The following ADCY5 variants were observed in gnomAD, a reference collection of about 807,000 sequenced individuals.
The protein encoded by ADCY5 is adenylate cyclase 5, also known as adenylate cyclase type 5.
In ADCY5, 30 loss-of-function variants were observed where a neutral mutation model predicts 119.7. That is an observed-to-expected ratio of 0.25 (90% CI 0.19 to 0.34). ADCY5 has a LOEUF of 0.34. Ranked by LOEUF, ADCY5 falls within the 10% of genes least tolerant of loss-of-function variation. The pLI is 1.00. For synonymous variants in ADCY5, 753 were observed against 762.2 expected (o/e 0.99, Z 0.20); for missense variants, 1,324 against 1,775.2 (o/e 0.75, Z 4.57).
intron 1 of ADCY5, among the ~76,000 whole-genome samples, chr3:123,376,370 T>C (rs1943833722): frequency 2.0e-5 from 3 of 151,960 alleles, no homozygotes; most frequent in Non-Finnish European, 4.4e-5. Flanking sequence ...TAAGAATCAC[T>C]AGGACAGCTA....
intron 1 of ADCY5, among the ~76,000 whole-genome samples, chr3:123,354,975 C>T (rs557352639): frequency 6.6e-6 from 1 of 152,310 alleles, no homozygotes; most frequent in South Asian, 2.1e-4. Context: ...ATAGCATATA[C>T]ACAAACCTAC....
At chr3:123,377,307 G>GC (rs1305488097) in intron 1 of ADCY5, among the ~76,000 whole-genome samples, 2 of 152,146 alleles carry the variant, frequency 1.3e-5, no homozygotes, top group Non-Finnish European at 2.9e-5. Flanking sequence ...TGTTATCACT[G>GC]CCCCTGGCTC....
chr3:123,328,627 C>A lies in ADCY5; in HGVS notation c.1805+17G>T. 6.2e-7 allele frequency: 1 copy of A among 1,612,996 alleles called. No homozygotes were observed. The highest frequency in any genetic ancestry group is 1.7e-4 in the Middle Eastern group (1 of 6,058). On this transcript the variant is annotated intron_variant, in intron 6 of 20. Transcript: ENST00000462833. ...AACCCAGGTCGGGGCCCCAAGCCAC[C>A]CACAGCTGTCACTCACCCTGCCTTG...
chr3:123,303,648 C>T (rs1939991905), intron 13 of ADCY5, among the ~76,000 whole-genome samples: 1 of 151,960 alleles, frequency 6.6e-6, no homozygotes, highest in African/African-American at 2.4e-5. Context: ...CATGGGGAAA[C>T]CCCATCTCTA....
chr3:123,354,822 TTTCCATATTAATAGACTAAAA>T (rs1942981817), intron 1 of ADCY5, among the ~76,000 whole-genome samples: 1 of 152,208 alleles, frequency 6.6e-6, no homozygotes, highest in African/African-American at 2.4e-5. Flanking sequence ...CCAACGTAAT[TTTCCATATTAATAGACTAAAA>T]TTTAAAAACT....
chr3:123,322,209 C>G (rs1451472767), intron 8 of ADCY5, among the ~76,000 whole-genome samples: 4 of 152,196 alleles, frequency 2.6e-5, no homozygotes, highest in Non-Finnish European at 4.4e-5. Context: ...GAGGGGTTGG[C>G]CCACTCAATT....
chr3:123,298,720 T>C (rs900313900), intron 15 of ADCY5, among the ~76,000 whole-genome samples: 23 of 152,262 alleles, frequency 1.5e-4, no homozygotes, highest in Non-Finnish European at 2.6e-4. Context: ...AGGCCCTTCA[T>C]ATTTTTGAAT....
chr3:123,344,496 G>A (rs1942435734), intron 3 of ADCY5, among the ~76,000 whole-genome samples: 1 of 152,124 alleles, frequency 6.6e-6, no homozygotes, highest in Non-Finnish European at 1.5e-5. Flanking sequence ...ACCCTATTAA[G>A]TAGGTACTCT....
chr3:123,359,461 G>T (rs1455153834), intron 1 of ADCY5, among the ~76,000 whole-genome samples: 2 of 150,502 alleles, frequency 1.3e-5, no homozygotes, highest in Non-Finnish European at 3.0e-5. Context: ...CCCTCCCCCA[G>T]TCGTGACAAC....
chr3:123,352,502 C>G lies in ADCY5; in HGVS notation c.1214G>C (p.Arg405Thr). 1 of 1,614,066 alleles carries G rather than the reference C, an allele frequency of 6.2e-7. No homozygotes were observed. Among genetic ancestry groups the G allele is most frequent in the Non-Finnish European group, 8.5e-7 (1 of 1,179,984 alleles). Residue 405 changes from arginine to threonine, a missense_variant, in exon 2 of 21, where the codon AGA becomes ACA. Physicochemically the swap from Arg to Thr is moderately conservative, Grantham distance 71. This residue lies in a region of ADCY5 where 123 missense variants were observed against 287.9 expected (regional missense o/e 0.43). Transcript: ENST00000462833. This position sits in a 1 kb window ranked among gnomAD's most constrained non-coding sequence, Gnocchi z 4.8. ...CTHYPAEVSQ[R>T]QAFQETRECI... ...CTCTCGGGTCTCCTGGAAAGCCTGT[C>G]TCTGGGAGACCTCAGCCGGATAGTG...
Position 123,326,944 on chromosome 3 carries a change from T to A in ADCY5, c.1947+674A>T, listed in dbSNP as rs1033917038. 2.6e-4 allele frequency among the ~76,000 whole-genome samples: 40 copies of A among 152,302 alleles called. 1 individual carries two copies. Among genetic ancestry groups the A allele is most frequent in the Admixed American group, 1.3e-4 (2 of 15,296 alleles). On this transcript the variant is annotated intron_variant, in intron 7 of 20. Coordinates refer to ENST00000462833, the MANE Select transcript of ADCY5 (RefSeq NM_183357.3). ...TTCTTAGGAAGAGAAATGGGGAAGCTTTTCTCTATCAAAGGGCACTGACTG... is the reference window on the plus strand; with the variant it reads ...TTCTTAGGAAGAGAAATGGGGAAGCATTTCTCTATCAAAGGGCACTGACTG...
At chr3:123,409,394 C>T (rs1352880975) in intron 1 of ADCY5, among the ~76,000 whole-genome samples, 26 of 152,144 alleles carry the variant, frequency 1.7e-4, no homozygotes, top group Admixed American at 1.6e-3. Context: ...AAAGGACAGA[C>T]GGCCCAGCAC....
chr3:123,375,916 A>G (rs537342342), intron 1 of ADCY5, among the ~76,000 whole-genome samples: 56 of 152,238 alleles, frequency 3.7e-4, no homozygotes, highest in Non-Finnish European at 3.1e-4. Context: ...GGCAGCCCAC[A>G]GTCCCAGAGC....
intron 1 of ADCY5, among the ~76,000 whole-genome samples, chr3:123,395,469 C>T (rs192753673): frequency 7.0e-4 from 107 of 152,284 alleles, no homozygotes; most frequent in Non-Finnish European, 8.5e-4. Context: ...GCCTGTACAC[C>T]GCCTCCTTGG....
chr3:123,361,954 A>T (rs1377010835), intron 1 of ADCY5, among the ~76,000 whole-genome samples: 2 of 152,154 alleles, frequency 1.3e-5, no homozygotes, highest in Non-Finnish European at 2.9e-5. Flanking sequence ...AGCATTTTGG[A>T]TTTCAAATTT....
intron 1 of ADCY5, among the ~76,000 whole-genome samples, chr3:123,364,162 A>G (rs1464537595): frequency 2.0e-5 from 3 of 152,144 alleles, no homozygotes; most frequent in Non-Finnish European, 2.9e-5. Flanking sequence ...TTTTTTCTTT[A>G]TACCAATGAA....
At chr3:123,311,856 A>G (rs1940604707) in intron 12 of ADCY5, among the ~76,000 whole-genome samples, 1 of 150,964 alleles carries the variant, frequency 6.6e-6, no homozygotes, top group Non-Finnish European at 1.5e-5. Flanking sequence ...CCCCTCCCCC[A>G]CCCAAGGAAA....
At chr3:123,298,546 C>T (rs2108238575) in intron 15 of ADCY5, among the ~76,000 whole-genome samples, 1 of 152,212 alleles carries the variant, frequency 6.6e-6, no homozygotes, top group South Asian at 2.1e-4. Context: ...GCCCATAGCC[C>T]CCACACAACC....
intron 15 of ADCY5, among the ~76,000 whole-genome samples, chr3:123,299,310 C>A (rs1397458118): frequency 6.6e-6 from 1 of 152,168 alleles, no homozygotes; most frequent in African/African-American, 2.4e-5. Context: ...GTCTTCCTGG[C>A]CGATCCTCAC....
Sources: gnomAD v4.1 joint callset for allele counts (sites outside exome capture counted in the v4.1 genomes callset) on GRCh38, gnomAD v4.1.1 for gene constraint, gnomAD v4.1.1 regional missense constraint, Gnocchi (gnomAD v3.1) non-coding constraint, MANE v1.5 for transcripts, NCBI Gene and HGNC (gene_info 2026-07-23, HGNC 2026-07-21) for gene names.